GLRX5: variants seen among roughly 807,000 people sequenced by gnomAD.
GLRX5 encodes glutaredoxin 5.
In GLRX5, 10 loss-of-function variants were observed where a neutral mutation model predicts 13.8. That is an observed-to-expected ratio of 0.72 (90% CI 0.45 to 1.23). The LOEUF (loss-of-function observed/expected upper bound fraction) is 1.23, where lower values mean the gene tolerates loss of function less well. Among genes scored for constraint, GLRX5 ranks in the 50% most tolerant of loss-of-function variants. The pLI is 0.00. For missense variants in GLRX5, 233 were observed against 215.2 expected (o/e 1.08, Z -0.52); for synonymous variants, 98 against 101.1 (o/e 0.97, Z 0.18).
chr14:95,543,804 G>A (rs1293840433), intron 1 of GLRX5, 143 bp from the exon 2 acceptor site: 10 of 720,920 alleles, frequency 1.4e-5, no homozygotes, highest in South Asian at 3.2e-5. Flanking sequence ...TGCTCTTAGT[G>A]GCAAGCACAG....
chr14:95,541,799 T>G (rs1039644679), intron 1 of GLRX5, among the ~76,000 whole-genome samples: 2 of 152,224 alleles, frequency 1.3e-5, no homozygotes, highest in Non-Finnish European at 2.9e-5. Flanking sequence ...ATGTATTTTT[T>G]GGGTAAAACA....
rs1891341682 is a variant in GLRX5 at position 95,535,235 on chromosome 14, T to G, written c.146T>G (p.Val49Gly). Residue 49 changes from valine (V) to glycine (G), a missense_variant, in exon 1 of 2, where the codon GTG (valine) becomes GGG (glycine). Val to Gly is a moderately radical substitution (Grantham distance 109). Coordinates refer to ENST00000331334, the MANE Select transcript of GLRX5 (RefSeq NM_016417.3). ...TCGGCGGAGCAGTTGGACGCGCTGG[T>G]GAAGAAGGACAAGGTGGTGGTCTTC... ...GGSAEQLDALVKKDKVVVFLK... is the reference protein window; with the variant it reads ...GGSAEQLDALGKKDKVVVFLK... The G allele has an allele frequency of 1.9e-6, 3 of 1,562,530 alleles. No homozygotes were observed. Among genetic ancestry groups the G allele is most frequent in the Admixed American group, 1.9e-5 (1 of 51,606 alleles).
Position 95,544,173 on chromosome 14 carries a change from G to A in GLRX5, c.*48G>A. 1 of 1,530,144 alleles carries A rather than the reference G, an allele frequency of 6.5e-7. No individual in the cohort carries two copies. Among genetic ancestry groups the A allele is most frequent in the African/African-American group, 1.4e-5 (1 of 73,228 alleles). 94.8% of individuals were successfully genotyped at this position (1,530,144 alleles called of 1,614,324 possible). A position where few individuals can be genotyped will look rare whatever the true frequency, so the allele number is the denominator to read the frequency against. ...CAGAGAGGGAGCCGTTCATGTCAGAGACTCACTGCCAGAAAAGCCTTACCC... is the reference window on the plus strand; with the variant it reads ...CAGAGAGGGAGCCGTTCATGTCAGAAACTCACTGCCAGAAAAGCCTTACCC... On this transcript the variant is annotated 3_prime_UTR_variant, in exon 2 of 2. Transcript: ENST00000331334.
At position 95,544,060 on chromosome 14, in the gene GLRX5, G is replaced by T; in HGVS notation, c.409G>T (p.Glu137Ter). The T allele has an allele frequency of 6.2e-7, 1 of 1,614,124 alleles. No individual in the cohort carries two copies. The highest frequency in any genetic ancestry group is 1.6e-4 in the Middle Eastern group (1 of 6,062). The change falls in exon 2 of 2, where the codon GAA (glutamate) becomes TAA (stop). Residue 137 changes from glutamate (E) to a stop codon, truncating the protein, a stop_gained. Transcript: ENST00000331334. LOFTEE classifies it high-confidence loss of function. ...GCACCAGAATGGGGACTTGGTGGAA[G>T]AACTGAAAAAGCTGGGGATCCACTC... ...QMHQNGDLVE[E>*]LKKLGIHSAL...
At chr14:95,540,612 C>T (rs911070965) in intron 1 of GLRX5, among the ~76,000 whole-genome samples, 1 of 152,164 alleles carries the variant, frequency 6.6e-6, no homozygotes, top group South Asian at 2.1e-4. Context: ...CTTATCTCGA[C>T]TTAACGCCAT....
Position 95,535,501 on chromosome 14 carries a change from G to C in GLRX5, c.295+117G>C, listed in dbSNP as rs1891355993. 4 of 1,031,852 alleles carry C rather than the reference G, an allele frequency of 3.9e-6. No individual in the cohort carries two copies. The African/African-American group carries it at 4.7e-5, about 12-fold the overall frequency. The allele number at this position is 1,031,852 out of a possible 1,614,324, so 63.9% of individuals were successfully genotyped here. On this transcript the variant is annotated intron_variant, in intron 1 of 1. Coordinates refer to ENST00000331334, the MANE Select transcript of GLRX5 (RefSeq NM_016417.3). Reference sequence around the variant, plus strand: ...AGCGGGGCTCCATCCGCCGGGGTCTGTCTGAAGGTTCGAGCCGGGTTAGGG... The same window carrying C: ...AGCGGGGCTCCATCCGCCGGGGTCTCTCTGAAGGTTCGAGCCGGGTTAGGG...
intron 1 of GLRX5, among the ~76,000 whole-genome samples, chr14:95,536,860 AG>A (rs1891390684): frequency 3.9e-5 from 6 of 152,222 alleles, no homozygotes; most frequent in African/African-American, 1.4e-4. Context: ...TGTTGAGTTG[AG>A]GAGTCGAGAG....
intron 1 of GLRX5, among the ~76,000 whole-genome samples, chr14:95,541,555 A>G (rs1383776893): frequency 6.6e-6 from 1 of 152,246 alleles, no homozygotes; most frequent in Non-Finnish European, 1.5e-5. Flanking sequence ...CAGGTGGCTC[A>G]TGAGAAGTTA....
rs976251721 is a variant in GLRX5 at position 95,543,946 on chromosome 14, G to C, written c.296-1G>C. ...AACAAATAAATGTTCTTTCTCCATA[G>C]GCATTAAAGACTATTCCAACTGGCC... On this transcript the variant is annotated splice_acceptor_variant, in intron 1 of 1. Coordinates refer to ENST00000331334, the MANE Select transcript of GLRX5 (RefSeq NM_016417.3). LOFTEE classifies it high-confidence loss of function. 1 of 1,610,558 alleles carries C rather than the reference G, an allele frequency of 6.2e-7. No individual in the cohort carries two copies. Among genetic ancestry groups the C allele is most frequent in the African/African-American group, 1.3e-5 (1 of 74,954 alleles).
At chr14:95,536,708 A>T (rs1891387663) in intron 1 of GLRX5, among the ~76,000 whole-genome samples, 1 of 152,200 alleles carries the variant, frequency 6.6e-6, no homozygotes, top group African/African-American at 2.4e-5. Flanking sequence ...GCACCCGGTA[A>T]ATGGTAGCTG....
rs1213839806 is a variant in GLRX5 at position 95,541,359 on chromosome 14, A to G, written c.296-2588A>G. ...TTCTCACTTCACTCTATAGGAAGCA[A>G]TTGGGTATTTCCTTAAATATTTAAA... On this transcript the variant is annotated intron_variant, in intron 1 of 1. Coordinates refer to ENST00000331334, the MANE Select transcript of GLRX5 (RefSeq NM_016417.3). Among the ~76,000 whole-genome samples the G allele has an allele frequency of 3.9e-5, 6 of 152,208 alleles. No homozygotes were observed. In the South Asian group the frequency reaches 1.0e-3, roughly 26 times the overall value.
chr14:95,543,127 G>A (rs1000068845), intron 1 of GLRX5: 1 of 455,858 alleles, frequency 2.2e-6, no homozygotes, highest in African/African-American at 2.0e-5. Flanking sequence ...GCGCTTAAGA[G>A]CAGAGCGGGT....
At position 95,539,680 on chromosome 14, in the gene GLRX5, C is replaced by T. The variant is rs561910353; in HGVS notation, c.296-4267C>T. On this transcript the variant is annotated intron_variant, in intron 1 of 1. Coordinates refer to ENST00000331334, the MANE Select transcript of GLRX5 (RefSeq NM_016417.3). ...GTCTGGGCTTTTGTACTCCTGGAAG[C>T]CTGGATATAAATCCTGGTTTCACTG... Among the ~76,000 whole-genome samples the T allele has an allele frequency of 5.3e-5, 8 of 152,188 alleles. No individual in the cohort carries two copies. In the East Asian group the frequency reaches 1.5e-3, roughly 29 times the overall value.
In GLRX5 at chr14:95,542,433, G is replaced by C. The variant is rs1354858641; in HGVS notation, c.296-1514G>C. Among the ~76,000 whole-genome samples, 4 of 152,184 alleles carry C rather than the reference G, an allele frequency of 2.6e-5. No homozygotes were observed. The East Asian group carries it at 7.7e-4, about 29-fold the overall frequency. ...TAATATGTGAAGTCTGGAGAAGGAAGATAAAGCCCTTGGTTCAGGGGCTTT... is the reference window on the plus strand; with the variant it reads ...TAATATGTGAAGTCTGGAGAAGGAACATAAAGCCCTTGGTTCAGGGGCTTT... On this transcript the variant is annotated intron_variant, in intron 1 of 1. Transcript: ENST00000331334.
intron 1 of GLRX5, among the ~76,000 whole-genome samples, chr14:95,538,648 GCGTGACT>G (rs1172807240): frequency 1.1e-4 from 17 of 152,294 alleles, no homozygotes; most frequent in African/African-American, 3.8e-4. Context: ...AGACCCAGCT[GCGTGACT>G]CCTAGGTATA....
intron 1 of GLRX5, among the ~76,000 whole-genome samples, chr14:95,536,693 A>G (rs1891387320): frequency 6.6e-6 from 1 of 152,250 alleles, no homozygotes; most frequent in African/African-American, 2.4e-5. Flanking sequence ...TACCTGGCAC[A>G]GAAAGCACCC....
intron 1 of GLRX5, among the ~76,000 whole-genome samples, chr14:95,541,419 A>G (rs1428225896): frequency 6.6e-6 from 1 of 152,268 alleles, no homozygotes; most frequent in South Asian, 2.1e-4. Flanking sequence ...GGAAAAGAGC[A>G]TAGTCATTAA....
In GLRX5 at chr14:95,535,352, A is replaced by G. The variant is rs1236952184; in HGVS notation, c.263A>G (p.Tyr88Cys). 6 of 1,553,300 alleles carry G rather than the reference A, an allele frequency of 3.9e-6. No individual in the cohort carries two copies. The highest frequency in any genetic ancestry group is 5.2e-6 in the Non-Finnish European group (6 of 1,148,642). ...CACGGCGTCCGCGATTACGCGGCCT[A>G]CAACGTGCTGGACGACCCGGAGCTC... ...RLHGVRDYAAYNVLDDPELRQ... is the reference protein window; with the variant it reads ...RLHGVRDYAACNVLDDPELRQ... The change falls in exon 1 of 2, where the codon TAC (tyrosine) becomes TGC (cysteine). Residue 88 changes from tyrosine (Y) to cysteine (C), a missense_variant. Physicochemically the swap from Tyr to Cys is radical, Grantham distance 194. Transcript: ENST00000331334.
chr14:95,543,563 G>A (rs1464554310), intron 1 of GLRX5: 1 of 311,716 alleles, frequency 3.2e-6, no homozygotes, highest in Non-Finnish European at 6.2e-6. Context: ...TTGGCCTTAT[G>A]TATCTTATGT....
Sources: gnomAD v4.1 joint callset for allele counts (sites outside exome capture counted in the v4.1 genomes callset) on GRCh38, gnomAD v4.1.1 for gene constraint, MANE v1.5 for transcripts, NCBI Gene and HGNC (gene_info 2026-07-23, HGNC 2026-07-21) for gene names.